The following MED27 variants were observed in gnomAD, a reference collection of about 807,000 sequenced individuals.
The protein encoded by MED27 is mediator of RNA polymerase II transcription subunit 27.
MED27 carries 30 observed loss-of-function variants against 38.2 expected under a neutral mutation model. That is an observed-to-expected ratio of 0.79 (90% CI 0.59 to 1.07). MED27 has a LOEUF of 1.07. Among genes scored for constraint, MED27 ranks in the 50% least tolerant of loss-of-function variants. The pLI is 0.00. For synonymous variants in MED27, 122 were observed against 153.5 expected, an observed-to-expected ratio of 0.79 and a Z score of 1.52; for missense variants, 289 against 397.5, an observed-to-expected ratio of 0.73 and a Z score of 2.32.
chr9:132,015,931 A>C (rs1448735710), intron 2 of MED27, among the ~76,000 whole-genome samples: 1 of 152,246 alleles, frequency 6.6e-6, no homozygotes, highest in African/African-American at 2.4e-5. Context: ...CTCTCTTCTC[A>C]GATTAAGCAA....
intron 6 of MED27, among the ~76,000 whole-genome samples, chr9:131,876,718 C>T (rs1020335220): frequency 1.2e-4 from 18 of 152,122 alleles, no homozygotes; most frequent in Admixed American, 3.3e-4. Flanking sequence ...GCCCTGGGAC[C>T]GTCTGCCGCC....
chr9:132,035,712 C>G (rs144162095), intron 2 of MED27, among the ~76,000 whole-genome samples: 1 of 152,140 alleles, frequency 6.6e-6, no homozygotes, highest in African/African-American at 2.4e-5. Flanking sequence ...CCTGTCACCC[C>G]GGCACTTTTG....
intron 3 of MED27, among the ~76,000 whole-genome samples, chr9:132,011,786 T>A (rs1589265017): frequency 6.6e-6 from 1 of 152,208 alleles, no homozygotes; most frequent in Non-Finnish European, 1.5e-5. Flanking sequence ...AAAAGCTCAA[T>A]GATGTGAAAA....
At chr9:131,896,472 A>C (rs1460121167) in intron 4 of MED27, among the ~76,000 whole-genome samples, 4 of 152,206 alleles carry the variant, frequency 2.6e-5, no homozygotes, top group African/African-American at 9.7e-5. Context: ...TAACACCAGA[A>C]ATTTTATATT....
intron 2 of MED27, among the ~76,000 whole-genome samples, chr9:132,047,352 C>T (rs958598952): frequency 6.6e-6 from 1 of 151,724 alleles, no homozygotes; most frequent in African/African-American, 2.4e-5. Flanking sequence ...TGCAAAATGG[C>T]AGAAAAGAGC....
intron 3 of MED27, among the ~76,000 whole-genome samples, chr9:132,012,259 T>C (rs989923130): frequency 1.3e-5 from 2 of 152,206 alleles, no homozygotes; most frequent in Non-Finnish European, 2.9e-5. Context: ...GAGCTGAAAG[T>C]TGAGATTTGC....
chr9:132,043,240 A>T (rs191655984), intron 2 of MED27, among the ~76,000 whole-genome samples: 2 of 152,084 alleles, frequency 1.3e-5, no homozygotes, highest in East Asian at 3.9e-4. Context: ...TTTGGGTGCT[A>T]GCATCACAGT....
At chr9:131,905,131 A>AT (rs1830028810) in intron 4 of MED27, among the ~76,000 whole-genome samples, 1 of 152,264 alleles carries the variant, frequency 6.6e-6, no homozygotes, top group South Asian at 2.1e-4. Context: ...ATATTCAAAT[A>AT]TATAAAATAT....
chr9:131,918,436 A>G (rs1830331866), intron 4 of MED27, among the ~76,000 whole-genome samples: 1 of 152,242 alleles, frequency 6.6e-6, no homozygotes, highest in African/African-American at 2.4e-5. Context: ...AATTAACTAA[A>G]CAGACAATGT....
At chr9:132,014,598 C>T in intron 2 of MED27, 131 bp from the exon 3 acceptor site, 1 of 873,256 alleles carries the variant, frequency 1.1e-6, no homozygotes, top group Non-Finnish European at 1.7e-6. Context: ...AATACAACTG[C>T]TCACATTCTG....
At chr9:131,918,901 T>G (rs1270530584) in intron 4 of MED27, among the ~76,000 whole-genome samples, 2 of 152,136 alleles carry the variant, frequency 1.3e-5, no homozygotes, top group Non-Finnish European at 2.9e-5. Flanking sequence ...ATGACCAGCG[T>G]CCTTAACCTG....
intron 3 of MED27, among the ~76,000 whole-genome samples, chr9:131,943,512 G>A (rs1830825012): frequency 6.6e-6 from 1 of 152,118 alleles, no homozygotes; most frequent in Non-Finnish European, 1.5e-5. Flanking sequence ...GCTAAGGACA[G>A]GTAGGAACAG....
intron 3 of MED27, among the ~76,000 whole-genome samples, chr9:131,965,396 T>TA (rs1225077701): frequency 2.0e-5 from 3 of 152,232 alleles, no homozygotes; most frequent in Non-Finnish European, 4.4e-5. Flanking sequence ...TGAAATCTAT[T>TA]AGAGTGTGGC....
At chr9:132,066,033 T>C (rs1050947578) in intron 2 of MED27, among the ~76,000 whole-genome samples, 7 of 151,960 alleles carry the variant, frequency 4.6e-5, no homozygotes, top group Non-Finnish European at 1.0e-4. Flanking sequence ...GTCCCTGGAG[T>C]GTGCTTGGAA....
intron 4 of MED27, 25 bp from the exon 5 acceptor site, chr9:131,894,017 A>G (rs1332892824): frequency 6.3e-7 from 1 of 1,583,138 alleles, no homozygotes; most frequent in Non-Finnish European, 8.7e-7. Context: ...GTAAGCTGAC[A>G]CTTGAACACG....
intron 5 of MED27, among the ~76,000 whole-genome samples, chr9:131,887,601 T>A (rs765239772): frequency 3.9e-5 from 6 of 152,168 alleles, no homozygotes; most frequent in Non-Finnish European, 8.8e-5. Flanking sequence ...CCAGGACTGA[T>A]CCAAGTGAAT....
chr9:132,029,958 C>G (rs1025034360), intron 2 of MED27, among the ~76,000 whole-genome samples: 1 of 152,054 alleles, frequency 6.6e-6, no homozygotes, highest in Admixed American at 6.5e-5. Flanking sequence ...ACTAGAGTGG[C>G]AGGAGGTAGA....
chr9:131,881,800 C>CTTCTT (rs1159629751), intron 6 of MED27, among the ~76,000 whole-genome samples: 6 of 60,966 alleles, frequency 9.8e-5, no homozygotes, highest in Admixed American at 2.5e-4. Context: ...TCTTCTTCTT[C>CTTCTT]TTTTTTTTTT....
intron 2 of MED27, among the ~76,000 whole-genome samples, chr9:132,075,078 T>G (rs866006594): frequency 2.0e-5 from 3 of 152,210 alleles, no homozygotes; most frequent in African/African-American, 7.2e-5. Context: ...CACTAAAAAT[T>G]AGAAAAATAC....
Sources: allele counts gnomAD v4.1 joint callset (sites outside exome capture counted in the v4.1 genomes callset), GRCh38; gene constraint gnomAD v4.1.1; transcripts MANE v1.5; gene names NCBI Gene and HGNC (gene_info 2026-07-23, HGNC 2026-07-21).